Variants in INSL6 observed in about 807,000 individuals in gnomAD.
INSL6 encodes the protein insulin-like peptide INSL6.
In INSL6, 16 loss-of-function variants were observed where a neutral mutation model predicts 9.4. The ratio of observed to expected loss-of-function variants is 1.70; its 90% CI spans 1.15 to 2.59. The LOEUF is 2.59. Ranked by LOEUF, INSL6 falls within the 30% of genes most tolerant of loss-of-function variation. The pLI is 0.00. For synonymous variants in INSL6, 154 were observed against 96.9 expected (o/e 1.59, Z -3.46); for missense variants, 391 against 257.3 (o/e 1.52, Z -3.56).
At chr9:5,151,920 T>C (rs1824720960) in intron 2 of INSL6, among the ~76,000 whole-genome samples, 1 of 151,962 alleles carries the variant, frequency 6.6e-6, no homozygotes, top group African/African-American at 2.4e-5. Context: ...AAGATACAGA[T>C]AGGTTAAAAA....
chr9:5,133,235 CA>C (rs948255302), intron 3 of INSL6, among the ~76,000 whole-genome samples: 6 of 149,166 alleles, frequency 4.0e-5, no homozygotes, highest in African/African-American at 9.9e-5. Context: ...GAGGATAATG[CA>C]AAAAAAAAGT....
chr9:5,178,177 C>T (rs946172573), intron 1 of INSL6, among the ~76,000 whole-genome samples: 5 of 152,174 alleles, frequency 3.3e-5, no homozygotes, highest in Non-Finnish European at 5.9e-5. Context: ...GCTCAGACTG[C>T]TGCTTTAAGT....
chr9:5,073,425 G>C, the INSL6 span, among the ~76,000 whole-genome samples: 1 of 152,130 alleles, frequency 6.6e-6, no homozygotes, highest in African/African-American at 2.4e-5. Flanking sequence ...GGTGTTATGG[G>C]TCAAGCCTGT....
At chr9:5,003,996 CTA>C in the INSL6 span, among the ~76,000 whole-genome samples, 1 of 151,948 alleles carries the variant, frequency 6.6e-6, no homozygotes. Flanking sequence ...AATATATTGA[CTA>C]TTTAAAAAAT....
At chr9:5,090,361 A>C in the INSL6 span, 3 of 975,954 alleles carry the variant, frequency 3.1e-6, no homozygotes, top group East Asian at 2.9e-5. Context: ...ATATATGTTT[A>C]AGTCATTTAT....
the INSL6 span, among the ~76,000 whole-genome samples, chr9:5,115,405 G>A: frequency 2.6e-5 from 4 of 152,252 alleles, no homozygotes; most frequent in South Asian, 6.2e-4. Context: ...AAAAAGTCAG[G>A]CAACAACAGA....
chr9:5,048,126 T>C, the INSL6 span, among the ~76,000 whole-genome samples: 1 of 152,064 alleles, frequency 6.6e-6, no homozygotes, highest in Non-Finnish European at 1.5e-5. Context: ...GAATTTGTTA[T>C]CTACCAGTTC....
the INSL6 span, chr9:5,113,558 C>T: frequency 6.4e-6 from 1 of 156,304 alleles, no homozygotes; most frequent in East Asian, 1.9e-4. Flanking sequence ...CGCCTCCACA[C>T]AGGGCCCATC....
At chr9:5,100,826 T>C in the INSL6 span, 1 of 152,366 alleles carries the variant, frequency 6.6e-6, no homozygotes, top group Admixed American at 6.5e-5. Flanking sequence ...TCAACATTCT[T>C]TACAGCCACA....
chr9:5,150,091 T>A (rs1192082559), intron 2 of INSL6, among the ~76,000 whole-genome samples: 1 of 152,108 alleles, frequency 6.6e-6, no homozygotes, highest in East Asian at 1.9e-4. Flanking sequence ...AATACAAAAA[T>A]TAACTCAAGA....
At chr9:5,103,140 C>T in the INSL6 span, among the ~76,000 whole-genome samples, 10 of 135,622 alleles carry the variant, frequency 7.4e-5, no homozygotes, top group East Asian at 2.4e-3. Context: ...GTGCTGTATT[C>T]AGGAGACCAA....
downstream of INSL6, among the ~76,000 whole-genome samples, chr9:5,120,806 G>A (rs538566432): frequency 9.9e-5 from 15 of 152,246 alleles, no homozygotes; most frequent in African/African-American, 3.1e-4. Context: ...TGAAAGATGC[G>A]TCAAAAATAA....
At chr9:5,008,799 A>G in the INSL6 span, among the ~76,000 whole-genome samples, 1 of 152,014 alleles carries the variant, frequency 6.6e-6, no homozygotes, top group Non-Finnish European at 1.5e-5. Flanking sequence ...TTCTTCTATT[A>G]TTTTTCTTCC....
chr9:5,088,958 C>G, the INSL6 span, among the ~76,000 whole-genome samples: 4 of 152,126 alleles, frequency 2.6e-5, no homozygotes, highest in Non-Finnish European at 5.9e-5. Context: ...TGACATTTAG[C>G]CCATAACAGA....
the INSL6 span, chr9:5,069,231 T>C: frequency 1.3e-6 from 2 of 1,503,314 alleles, no homozygotes; most frequent in Non-Finnish European, 1.8e-6. Context: ...TCTAGTTATT[T>C]TTAAATTACT....
intron 1 of INSL6, among the ~76,000 whole-genome samples, chr9:5,166,284 A>G (rs1825049244): frequency 6.6e-6 from 1 of 151,694 alleles, no homozygotes; most frequent in South Asian, 2.1e-4. Context: ...GTCCACTTCT[A>G]TACCTTGTTT....
At chr9:5,045,723 C>A in the INSL6 span, among the ~76,000 whole-genome samples, 1 of 152,150 alleles carries the variant, frequency 6.6e-6, no homozygotes, top group Non-Finnish European at 1.5e-5. Flanking sequence ...TCAGGTTCAT[C>A]CATGTTGTAG....
At chr9:5,086,834 T>C in the INSL6 span, among the ~76,000 whole-genome samples, 13 of 152,206 alleles carry the variant, frequency 8.5e-5, 1 homozygote, top group Non-Finnish European at 1.5e-5. Context: ...TTGGTGACCC[T>C]TTCTAGAGAG....
chr9:4,993,516 A>G, the INSL6 span, among the ~76,000 whole-genome samples: 8 of 152,324 alleles, frequency 5.3e-5, 1 homozygote, highest in Admixed American at 5.2e-4. Flanking sequence ...TCCTTAATTC[A>G]TTAGGTCAGG....
Sources: gnomAD v4.1 joint callset for allele counts (sites outside exome capture counted in the v4.1 genomes callset) on GRCh38, gnomAD v4.1.1 for gene constraint, MANE v1.5 for transcripts, NCBI Gene and HGNC (gene_info 2026-07-23, HGNC 2026-07-21) for gene names.